RAB33A: variants seen among roughly 807,000 people sequenced by gnomAD.
RAB33A encodes ras-related protein Rab-33A.
RAB33A carries 6 observed loss-of-function variants against 12.0 expected under a neutral mutation model. That is an observed-to-expected ratio of 0.50 (90% CI 0.27 to 0.99). The LOEUF is 0.99. Ranked by LOEUF, RAB33A falls within the 50% of genes least tolerant of loss-of-function variation. The pLI is 0.11. For synonymous variants in RAB33A, 70 were observed against 82.4 expected (o/e 0.85, Z 0.81); for missense variants, 109 against 192.0 (o/e 0.57, Z 2.55).
At chrX:130,163,395 C>A in the RAB33A span, among the ~76,000 whole-genome samples, 7 of 109,703 alleles carry the variant, frequency 6.4e-5, no homozygotes, top group South Asian at 2.7e-3. Flanking sequence ...TGCAAAAACA[C>A]ACGGTAGATG....
the RAB33A span, chrX:130,148,046 A>T: frequency 1.7e-6 from 1 of 581,191 alleles, no homozygotes; most frequent in African/African-American, 2.3e-5. Flanking sequence ...TGGGAGAGGA[A>T]AAGCAAGTAT....
chrX:130,137,312 C>A, the RAB33A span: 6 of 1,182,016 alleles, frequency 5.1e-6, no homozygotes, highest in South Asian at 3.7e-5. Context: ...CCAGGCCGAG[C>A]GCCCACTTAC....
chrX:130,158,858 G>A, the RAB33A span, among the ~76,000 whole-genome samples: 1 of 111,104 alleles, frequency 9.0e-6, no homozygotes, highest in Non-Finnish European at 1.9e-5. Context: ...AAGACAAACA[G>A]AATGGACACT....
the RAB33A span, chrX:130,137,391 T>A: frequency 8.6e-7 from 1 of 1,156,660 alleles, no homozygotes; most frequent in South Asian, 2.0e-5. Context: ...GTATCAGAAC[T>A]GCTGGCCCCA....
chrX:130,133,795 ATTTT>A, the RAB33A span, among the ~76,000 whole-genome samples: 1 of 99,863 alleles, frequency 1.0e-5, no homozygotes. Context: ...GCCTGGCTAA[ATTTT>A]TTTTTTTTTT....
At chrX:130,139,332 G>GA in the RAB33A span, among the ~76,000 whole-genome samples, 432 of 93,944 alleles carry the variant, frequency 4.6e-3, 3 homozygotes, top group African/African-American at 0.013. Flanking sequence ...ATTCAGTCTC[G>GA]AAAAAAAAAA....
the RAB33A span, among the ~76,000 whole-genome samples, chrX:130,130,374 G>A: frequency 8.9e-6 from 1 of 111,791 alleles, no homozygotes; most frequent in South Asian, 3.8e-4. Flanking sequence ...TTCCTTGCCA[G>A]CTCCTGGGCA....
At chrX:130,153,041 C>T in the RAB33A span, among the ~76,000 whole-genome samples, 1 of 109,931 alleles carries the variant, frequency 9.1e-6, no homozygotes, top group South Asian at 3.9e-4. Flanking sequence ...TTTTAAAAGT[C>T]GACAGTTTAG....
At chrX:130,135,949 G>T in the RAB33A span, 1 of 1,092,132 alleles carries the variant, frequency 9.2e-7, no homozygotes, top group Non-Finnish European at 1.3e-6. Context: ...GACCCTATTT[G>T]GTTAGGCTGT....
chrX:130,136,708 C>T, the RAB33A span: 1 of 1,209,704 alleles, frequency 8.3e-7, no homozygotes. Context: ...TGCACAATAG[C>T]ATTGGGCATC....
the RAB33A span, among the ~76,000 whole-genome samples, chrX:130,146,171 C>T: frequency 1.8e-5 from 2 of 111,821 alleles, no homozygotes; most frequent in African/African-American, 6.5e-5. Context: ...AGTGCAGTGG[C>T]TCAGGTCTAT....
chrX:130,173,550 A>G (rs1247910083), intron 1 of RAB33A, among the ~76,000 whole-genome samples: 1 of 112,178 alleles, frequency 8.9e-6, no homozygotes, highest in Non-Finnish European at 1.9e-5. Context: ...ACGTGTTCTA[A>G]AAATGGCTTC....
chrX:130,144,049 G>A, the RAB33A span, among the ~76,000 whole-genome samples: 2 of 111,601 alleles, frequency 1.8e-5, no homozygotes, highest in Non-Finnish European at 3.8e-5. Context: ...CTGTAAGAGG[G>A]AAATAATACC....
chrX:130,170,372 G>A (rs994854168), upstream of RAB33A, among the ~76,000 whole-genome samples: 1 of 112,598 alleles, frequency 8.9e-6, no homozygotes, highest in African/African-American at 3.2e-5. Context: ...CAACTGTGCT[G>A]TTTGAATCCC....
chrX:130,129,483 TA>T, the RAB33A span: 5 of 872,329 alleles, frequency 5.7e-6, no homozygotes, highest in Non-Finnish European at 8.5e-6. Context: ...GTCTGCTGAA[TA>T]AAAAAATGCT....
At chrX:130,156,945 T>C in the RAB33A span, among the ~76,000 whole-genome samples, 4 of 111,595 alleles carry the variant, frequency 3.6e-5, no homozygotes, top group Non-Finnish European at 5.6e-5. Flanking sequence ...ACTGAATAGG[T>C]AGATATACAA....
chrX:130,115,212 C>T, the RAB33A span, among the ~76,000 whole-genome samples: 1 of 111,968 alleles, frequency 8.9e-6, no homozygotes, highest in Non-Finnish European at 1.9e-5. Flanking sequence ...TCACTTAACT[C>T]CTTGTCCTCA....
chrX:130,114,575 T>C, the RAB33A span, among the ~76,000 whole-genome samples: 1 of 112,093 alleles, frequency 8.9e-6, no homozygotes, highest in African/African-American at 3.2e-5. Flanking sequence ...GAGTTGCCCA[T>C]GGGTGCCCAG....
chrX:130,127,511 G>A, the RAB33A span, among the ~76,000 whole-genome samples: 2 of 110,210 alleles, frequency 1.8e-5, no homozygotes, highest in Admixed American at 2.0e-4. Flanking sequence ...ACTATACAAG[G>A]ATAACTACTG....
Sources: allele counts gnomAD v4.1 joint callset (sites outside exome capture counted in the v4.1 genomes callset), GRCh38; gene constraint gnomAD v4.1.1; transcripts MANE v1.5; gene names NCBI Gene and HGNC (gene_info 2026-07-23, HGNC 2026-07-21).